Variants in COL25A1 observed in about 807,000 individuals in gnomAD.
COL25A1 encodes the protein collagen alpha-1(XXV) chain.
COL25A1 carries 103 observed loss-of-function variants against 128.4 expected under a neutral mutation model. That is an observed-to-expected ratio of 0.80 (90% CI 0.68 to 0.94). The LOEUF (loss-of-function observed/expected upper bound fraction) is 0.94. COL25A1 is among the 40% of genes least tolerant of loss of function. COL25A1 has a pLI of 0.00. For synonymous variants in COL25A1, 279 were observed against 277.2 expected, an observed-to-expected ratio of 1.01 and a Z score of -0.06; for missense variants, 745 against 840.0, an observed-to-expected ratio of 0.89 and a Z score of 1.40.
At chr4:109,052,371 G>C (rs1163650748) in intron 3 of COL25A1, among the ~76,000 whole-genome samples, 1 of 152,126 alleles carries the variant, frequency 6.6e-6, no homozygotes, top group Admixed American at 6.6e-5. Context: ...TTGAAGAACA[G>C]GATGCAAGCA....
intron 3 of COL25A1, among the ~76,000 whole-genome samples, chr4:109,052,265 A>T (rs965179402): frequency 3.3e-5 from 5 of 152,218 alleles, no homozygotes; most frequent in African/African-American, 1.2e-4. Flanking sequence ...AAACCAAAAT[A>T]TAAATATTTC....
At chr4:108,821,691 A>G (rs1731785567) in intron 35 of COL25A1, among the ~76,000 whole-genome samples, 1 of 152,224 alleles carries the variant, frequency 6.6e-6, no homozygotes, top group African/African-American at 2.4e-5. Flanking sequence ...GCTTTATGGG[A>G]AAGAAACACT....
intron 32 of COL25A1, among the ~76,000 whole-genome samples, chr4:108,829,435 CATCTATCTA>C (rs1732818001): frequency 7.0e-6 from 1 of 142,174 alleles, no homozygotes; most frequent in African/African-American, 2.6e-5. Flanking sequence ...ATCTATCTAT[CATCTATCTA>C]TCTGTGTGTG....
intron 32 of COL25A1, among the ~76,000 whole-genome samples, chr4:108,831,513 C>G (rs1343759790): frequency 6.6e-6 from 1 of 152,164 alleles, no homozygotes; most frequent in Non-Finnish European, 1.5e-5. Context: ...CAAACTTGCA[C>G]AGTGAATCAT....
At chr4:109,025,791 CT>C (rs1299783611) in intron 5 of COL25A1, among the ~76,000 whole-genome samples, 3 of 152,210 alleles carry the variant, frequency 2.0e-5, no homozygotes, top group African/African-American at 7.2e-5. Flanking sequence ...CAAATGTCAT[CT>C]CTCTTTGTTA....
intron 3 of COL25A1, among the ~76,000 whole-genome samples, chr4:109,283,942 T>C (rs923897485): frequency 6.6e-6 from 1 of 152,216 alleles, no homozygotes; most frequent in African/African-American, 2.4e-5. Context: ...TTATTTTATC[T>C]AAGTGGGAAA....
At chr4:108,863,879 T>A (rs1325793092) in intron 20 of COL25A1, among the ~76,000 whole-genome samples, 1 of 152,176 alleles carries the variant, frequency 6.6e-6, no homozygotes, top group Non-Finnish European at 1.5e-5. Flanking sequence ...CAGGCTCTTA[T>A]GCCTTCAGCC....
intron 3 of COL25A1, among the ~76,000 whole-genome samples, chr4:109,210,042 C>T (rs1777370592): frequency 6.7e-6 from 1 of 149,050 alleles, no homozygotes; most frequent in Admixed American, 6.7e-5. Flanking sequence ...CAGAGTGAGA[C>T]TTCATCTCAA....
At chr4:109,002,028 G>C (rs1755469445) in intron 6 of COL25A1, among the ~76,000 whole-genome samples, 2 of 152,184 alleles carry the variant, frequency 1.3e-5, no homozygotes, top group South Asian at 2.1e-4. Context: ...ACACCTGTCA[G>C]AATGGCTATT....
At chr4:109,134,679 C>T (rs1436759565) in intron 3 of COL25A1, among the ~76,000 whole-genome samples, 1 of 151,986 alleles carries the variant, frequency 6.6e-6, no homozygotes, top group African/African-American at 2.4e-5. Flanking sequence ...GAAACAGGAA[C>T]CCACGATTAT....
chr4:108,976,947 A>G (rs1339996827), intron 6 of COL25A1, among the ~76,000 whole-genome samples: 1 of 152,246 alleles, frequency 6.6e-6, no homozygotes, highest in Admixed American at 6.5e-5. Flanking sequence ...AAGTATTATG[A>G]TAATCCTTTT....
At chr4:109,154,079 T>A (rs573974134) in intron 3 of COL25A1, among the ~76,000 whole-genome samples, 1 of 152,304 alleles carries the variant, frequency 6.6e-6, no homozygotes, top group Admixed American at 6.5e-5. Flanking sequence ...CTAGAAATAA[T>A]TCAGGGACTT....
intron 3 of COL25A1, among the ~76,000 whole-genome samples, chr4:109,271,712 CA>C (rs1330726057): frequency 6.6e-6 from 1 of 152,186 alleles, no homozygotes; most frequent in Non-Finnish European, 1.5e-5. Flanking sequence ...CAACCCTGAA[CA>C]CCACAGTGAT....
intron 3 of COL25A1, among the ~76,000 whole-genome samples, chr4:109,206,925 C>T (rs1284550293): frequency 1.3e-5 from 2 of 152,136 alleles, no homozygotes; most frequent in Admixed American, 6.6e-5. Context: ...TCCAACTCAA[C>T]CAAATGAACG....
intron 28 of COL25A1, among the ~76,000 whole-genome samples, chr4:108,845,668 C>A (rs1469991664): frequency 6.6e-6 from 1 of 152,120 alleles, no homozygotes; most frequent in Non-Finnish European, 1.5e-5. Context: ...TTTTTTAAAA[C>A]AATTTTTACA....
At chr4:109,223,711 C>T (rs1778586647) in intron 3 of COL25A1, among the ~76,000 whole-genome samples, 2 of 152,072 alleles carry the variant, frequency 1.3e-5, no homozygotes, top group Non-Finnish European at 2.9e-5. Context: ...GCCCTATCTG[C>T]TGCATTTACC....
chr4:108,919,920 AC>A (rs1745304604), intron 12 of COL25A1, among the ~76,000 whole-genome samples: 2 of 152,006 alleles, frequency 1.3e-5, no homozygotes, highest in South Asian at 4.2e-4. Context: ...GTGCCACCAC[AC>A]CCAGCTATTT....
intron 3 of COL25A1, among the ~76,000 whole-genome samples, chr4:109,229,013 G>T (rs917110413): frequency 2.0e-5 from 3 of 152,146 alleles, no homozygotes; most frequent in Non-Finnish European, 4.4e-5. Flanking sequence ...TTACAGTACA[G>T]ATCTAGAGAA....
chr4:109,020,227 C>G (rs1342191796), intron 5 of COL25A1, among the ~76,000 whole-genome samples: 1 of 152,128 alleles, frequency 6.6e-6, no homozygotes. Context: ...CTGAGATAAA[C>G]ATTATTAATA....
Sources: gnomAD v4.1 joint callset for allele counts (sites outside exome capture counted in the v4.1 genomes callset) on GRCh38, gnomAD v4.1.1 for gene constraint, MANE v1.5 for transcripts, NCBI Gene and HGNC (gene_info 2026-07-23, HGNC 2026-07-21) for gene names.